CHST15: variants seen among roughly 807,000 people sequenced by gnomAD.
The protein encoded by CHST15 is carbohydrate sulfotransferase 15.
Under a neutral mutation model 53.6 loss-of-function variants are expected in CHST15, and 30 were observed. The observed-to-expected ratio is 0.56, with a 90% CI of 0.42 to 0.76. The LOEUF (loss-of-function observed/expected upper bound fraction) is 0.76. CHST15 is among the 30% of genes least tolerant of loss of function. The pLI, the probability that CHST15 is intolerant of heterozygous loss-of-function variation, is 0.00. For missense variants in CHST15, 627 were observed against 740.5 expected (o/e 0.85, Z 1.78); for synonymous variants, 296 against 289.8 (o/e 1.02, Z -0.22).
At chr10:124,077,421 C>CGTGCT (rs1949111823) in intron 1 of CHST15, among the ~76,000 whole-genome samples, 1 of 152,194 alleles carries the variant, frequency 6.6e-6, no homozygotes, top group Admixed American at 6.5e-5. Context: ...AATGTGATTA[C>CGTGCT]ACATTCATCC....
intron 1 of CHST15, among the ~76,000 whole-genome samples, chr10:124,081,049 G>A (rs910496338): frequency 6.6e-6 from 1 of 152,170 alleles, no homozygotes; most frequent in African/African-American, 2.4e-5. Context: ...GATGAGAATG[G>A]GGTCCTTCCC....
intron 1 of CHST15, among the ~76,000 whole-genome samples, chr10:124,055,450 C>G (rs4929798): frequency 0.72 from 108,912 of 152,018 alleles, 39,840 homozygotes; most frequent in African/African-American, 0.87. Context: ...GGTCCTCACT[C>G]CAGGGTTACT....
At chr10:124,011,744 TC>T in intron 7 of CHST15, 1 of 985,388 alleles carries the variant, frequency 1.0e-6, no homozygotes, top group Non-Finnish European at 1.2e-6. Flanking sequence ...GGGCAGGCGC[TC>T]ATGCCCCAGG....
At chr10:124,013,377 T>C (rs908098633) in intron 6 of CHST15, among the ~76,000 whole-genome samples, 1 of 152,116 alleles carries the variant, frequency 6.6e-6, no homozygotes, top group African/African-American at 2.4e-5. Context: ...CTGGCAATAC[T>C]CCACGAGGAT....
Position 124,012,429 on chromosome 10 carries a change from C to T in CHST15, c.1399G>A (p.Val467Ile), listed in dbSNP as rs200319997. The T allele has an allele frequency of 3.7e-5, 59 of 1,614,042 alleles. No individual in the cohort carries two copies. The highest frequency in any genetic ancestry group is 2.9e-4 in the East Asian group (13 of 44,904). The change falls in exon 7 of 8, where the codon GTT (valine) becomes ATT (isoleucine). Residue 467 changes from valine to isoleucine, a missense_variant. Around this residue, in one of 3 missense-constraint regions of CHST15, gnomAD observed 279 missense variants for 371.6 expected, o/e 0.75. Coordinates refer to ENST00000435907, the MANE Select transcript of CHST15 (RefSeq NM_001270764.2). ...ATGAGAAACTGTTGCTTGTCAAAAA[C>T]GCTGAGCCAGTCCAGAAGGTACACA... The part of the protein sequence containing the change: ...YAVYLLDWLS[V>I]FDKQQFLILR...
intron 5 of CHST15, 47 bp from the exon 6 acceptor site, chr10:124,021,459 T>C: frequency 6.4e-7 from 1 of 1,569,776 alleles, no homozygotes; most frequent in African/African-American, 1.3e-5. Context: ...GAACATGCAA[T>C]CACACCATTT....
At chr10:124,070,857 C>T (rs1016931844) in intron 1 of CHST15, among the ~76,000 whole-genome samples, 5 of 152,074 alleles carry the variant, frequency 3.3e-5, no homozygotes, top group African/African-American at 7.2e-5. Context: ...GATGAGAACC[C>T]GCCGACCCAC....
chr10:124,091,881 A>C (rs1949609374), intron 1 of CHST15, among the ~76,000 whole-genome samples: 1 of 152,034 alleles, frequency 6.6e-6, no homozygotes, highest in Non-Finnish European at 1.5e-5. Context: ...TTCCTCCTCT[A>C]TACCCGCCGT....
intron 5 of CHST15, among the ~76,000 whole-genome samples, chr10:124,028,243 T>C (rs1310585390): frequency 5.3e-5 from 8 of 152,200 alleles, no homozygotes; most frequent in Non-Finnish European, 7.4e-5. Context: ...CTGCGGGATC[T>C]TGTATCTCTT....
At chr10:124,022,412 G>C (rs79144592) in intron 5 of CHST15, among the ~76,000 whole-genome samples, 2 of 152,192 alleles carry the variant, frequency 1.3e-5, no homozygotes, top group Non-Finnish European at 1.5e-5. Context: ...TCCACTCTCC[G>C]TTGCCTGTTT....
chr10:124,065,499 T>C (rs1428457099), intron 1 of CHST15, among the ~76,000 whole-genome samples: 1 of 152,186 alleles, frequency 6.6e-6, no homozygotes, highest in Non-Finnish European at 1.5e-5. Context: ...AGGCAAATTG[T>C]TGTCACCCAA....
At position 124,019,756 on chromosome 10, in the gene CHST15, AG is replaced by A. The variant is rs2133853612; in HGVS notation, c.1347+1499del. Reference sequence around the variant, plus strand: ...ACTATCTTCTGCTTAAAACCCTCTGAGGGGTCCCATCTCTCTCAGGGTGATG... The same window carrying A: ...ACTATCTTCTGCTTAAAACCCTCTGAGGGTCCCATCTCTCTCAGGGTGATG... On this transcript the variant is annotated intron_variant, in intron 6 of 7. Coordinates refer to ENST00000435907, the MANE Select transcript of CHST15 (RefSeq NM_001270764.2). This position sits in a 1 kb window ranked among gnomAD's most constrained non-coding sequence, Gnocchi z 4.6. The A allele has an allele frequency of 1.0e-6, 1 of 983,606 alleles. No homozygotes were observed. Among genetic ancestry groups the A allele is most frequent in the African/African-American group, 1.7e-5 (1 of 57,296 alleles). 60.9% of individuals were successfully genotyped at this position (983,606 alleles called of 1,614,324 possible).
rs997956479 is a variant in CHST15, at chr10:124,081,756, C to A, written c.-513+11713G>T. 3.3e-5 allele frequency among the ~76,000 whole-genome samples: 5 copies of A among 152,328 alleles called. No homozygotes were observed. In the East Asian group the frequency reaches 9.6e-4, roughly 29 times the overall value. On this transcript the variant is annotated intron_variant, in intron 1 of 7. Coordinates refer to ENST00000435907, the MANE Select transcript of CHST15 (RefSeq NM_001270764.2). Reference sequence around the variant, plus strand: ...CACAGCCGCCCTGTGGGACCACACCCCCAGGCCATGCAAGAAACCTGGCCC... The same window carrying A: ...CACAGCCGCCCTGTGGGACCACACCACCAGGCCATGCAAGAAACCTGGCCC...
intron 6 of CHST15, among the ~76,000 whole-genome samples, chr10:124,017,414 T>G (rs1352515526): frequency 6.6e-6 from 1 of 152,082 alleles, no homozygotes; most frequent in Non-Finnish European, 1.5e-5. Context: ...CTGCTGACAG[T>G]GACAATGACT....
At chr10:124,039,547 C>T (rs746437815) in intron 4 of CHST15, among the ~76,000 whole-genome samples, 2 of 152,252 alleles carry the variant, frequency 1.3e-5, no homozygotes, top group Admixed American at 6.5e-5. Flanking sequence ...CTGCTCTGCA[C>T]GCAGCTGGCG....
rs376174591 is a variant in CHST15 at position 124,008,344 on chromosome 10, T to TACACACAC, written c.*1797_*1804dup. The TACACACAC allele has an allele frequency of 3.9e-3, 4,089 of 1,054,620 alleles. 58 individuals carry two copies. In the African/African-American group the frequency reaches 0.043, roughly 11 times the overall value. The allele number at this position is 1,054,620 out of a possible 1,614,324, so 65.3% of individuals were successfully genotyped here. A position where few individuals can be genotyped will look rare whatever the true frequency, so the allele number is the denominator to read the frequency against. On this transcript the variant is annotated 3_prime_UTR_variant, in exon 8 of 8. Transcript: ENST00000435907. ...AGACGCACTCACCCACACGTGCGCG[T>TACACACAC]ACACACACACACACGCGCGCACTGT...
At position 124,020,637 on chromosome 10, in the gene CHST15, G is replaced by A. The variant is rs140557428; in HGVS notation, c.1347+619C>T. On this transcript the variant is annotated intron_variant, in intron 6 of 7. Transcript: ENST00000435907. ...TCTGGAACACGCAGCGGCAATGCTC[G>A]CTGCATAAGCCCTGCTGTTGAAGTA... 1.3e-3 allele frequency: 1,296 copies of A among 988,438 alleles called. 10 individuals are homozygous for A. The African/African-American group carries it at 0.02, about 15-fold the overall frequency. 61.2% of individuals were successfully genotyped at this position (988,438 alleles called of 1,614,324 possible).
At chr10:124,075,471 G>A (rs952534729) in intron 1 of CHST15, among the ~76,000 whole-genome samples, 2 of 152,170 alleles carry the variant, frequency 1.3e-5, no homozygotes. Context: ...CTCCCTTTGA[G>A]CTCACATCTC....
At chr10:124,045,125 A>AC (rs1564882066) in intron 2 of CHST15, among the ~76,000 whole-genome samples, 59 of 103,500 alleles carry the variant, frequency 5.7e-4, no homozygotes, top group African/African-American at 2.2e-3. Flanking sequence ...AAAAAAAAAA[A>AC]AAAAAAAAAA....
Sources: gnomAD v4.1 joint callset for allele counts (sites outside exome capture counted in the v4.1 genomes callset) on GRCh38, gnomAD v4.1.1 for gene constraint, gnomAD v4.1.1 regional missense constraint, Gnocchi (gnomAD v3.1) non-coding constraint, MANE v1.5 for transcripts, NCBI Gene and HGNC (gene_info 2026-07-23, HGNC 2026-07-21) for gene names.